Variants in ADK observed in about 807,000 individuals in gnomAD.
ADK encodes the protein N6,N6-dimethyladenosine kinase.
ADK carries 24 observed loss-of-function variants against 44.7 expected under a neutral mutation model. The ratio of observed to expected loss-of-function variants is 0.54; its 90% CI spans 0.39 to 0.76. ADK has a LOEUF of 0.76. ADK is among the 30% of genes least tolerant of loss of function. The probability of loss-of-function intolerance (pLI) is 0.00; values close to 1 mark genes in which losing one functional copy is unlikely to be tolerated. For missense variants in ADK, 321 were observed against 425.1 expected (o/e 0.76, Z 2.15); for synonymous variants, 128 against 142.6 (o/e 0.90, Z 0.73).
At chr10:74,289,742 T>G (rs1487623196) in intron 3 of ADK, among the ~76,000 whole-genome samples, 3 of 152,100 alleles carry the variant, frequency 2.0e-5, no homozygotes, top group African/African-American at 7.2e-5. Flanking sequence ...CTCAGTTTAC[T>G]TTCTTAATCG....
At chr10:74,203,248 C>G (rs1273948938) in intron 2 of ADK, among the ~76,000 whole-genome samples, 1 of 152,210 alleles carries the variant, frequency 6.6e-6, no homozygotes, top group Admixed American at 6.5e-5. Flanking sequence ...TTGACAAAAT[C>G]AGGTGACCAT....
At chr10:74,372,437 T>C in intron 4 of ADK, 1 of 570,078 alleles carries the variant, frequency 1.8e-6, no homozygotes, top group Admixed American at 2.7e-5. Context: ...CACACGCTCT[T>C]AAGCAACATG....
intron 6 of ADK, among the ~76,000 whole-genome samples, chr10:74,477,777 A>G (rs1405880071): frequency 6.6e-6 from 1 of 152,210 alleles, no homozygotes; most frequent in African/African-American, 2.4e-5. Flanking sequence ...GTAACCAAAC[A>G]TATTCTCCTC....
chr10:74,216,917 G>T (rs964549991), intron 2 of ADK, among the ~76,000 whole-genome samples: 8 of 152,146 alleles, frequency 5.3e-5, no homozygotes, highest in African/African-American at 1.9e-4. Context: ...AACAGCTCCG[G>T]TCTACAGCTC....
intron 1 of ADK, among the ~76,000 whole-genome samples, chr10:74,164,909 G>C (rs1810342521): frequency 3.3e-5 from 5 of 152,208 alleles, no homozygotes; most frequent in Admixed American, 3.3e-4. Flanking sequence ...ATCTTTAAGT[G>C]TTTTCTTTGT....
chr10:74,612,743 G>T (rs1462729156), intron 9 of ADK, among the ~76,000 whole-genome samples: 1 of 152,004 alleles, frequency 6.6e-6, no homozygotes, highest in Non-Finnish European at 1.5e-5. Flanking sequence ...TTTTTTCTAG[G>T]ATTTTTATAG....
At chr10:74,363,677 G>A (rs1842412468) in intron 4 of ADK, among the ~76,000 whole-genome samples, 1 of 152,108 alleles carries the variant, frequency 6.6e-6, no homozygotes. Flanking sequence ...GCTGAGACTG[G>A]GCTCCCTCAG....
chr10:74,539,418 T>C (rs1849554811), intron 7 of ADK, among the ~76,000 whole-genome samples: 1 of 152,182 alleles, frequency 6.6e-6, no homozygotes, highest in Admixed American at 6.5e-5. Context: ...AGAGATGATC[T>C]TTTCTTTCTT....
At chr10:74,333,705 T>C (rs541455445) in intron 4 of ADK, among the ~76,000 whole-genome samples, 1 of 152,304 alleles carries the variant, frequency 6.6e-6, no homozygotes, top group South Asian at 2.1e-4. Flanking sequence ...TATTTTTTTC[T>C]CAAAAACTGT....
intron 6 of ADK, among the ~76,000 whole-genome samples, chr10:74,514,313 G>A (rs1296281602): frequency 1.3e-5 from 2 of 152,086 alleles, no homozygotes; most frequent in Admixed American, 6.5e-5. Flanking sequence ...ATATATTTGA[G>A]CTTTCTCGAC....
At chr10:74,702,690 C>T (rs1002042264) in intron 10 of ADK, among the ~76,000 whole-genome samples, 4 of 151,712 alleles carry the variant, frequency 2.6e-5, no homozygotes, top group Admixed American at 6.6e-5. Context: ...CCTCTGCCTC[C>T]TGAGTTCAAG....
At chr10:74,649,993 G>A (rs1165521007) in intron 9 of ADK, among the ~76,000 whole-genome samples, 3 of 152,124 alleles carry the variant, frequency 2.0e-5, no homozygotes, top group Admixed American at 2.0e-4. Flanking sequence ...ATCTCAAAGC[G>A]TGTTTAGAGT....
intron 3 of ADK, among the ~76,000 whole-genome samples, chr10:74,243,262 C>A (rs973176219): frequency 1.3e-5 from 2 of 152,166 alleles, no homozygotes; most frequent in Admixed American, 6.5e-5. Flanking sequence ...CTGGAGCAGC[C>A]GGCCAGGTCC....
At chr10:74,660,088 T>C (rs990482795) in intron 9 of ADK, among the ~76,000 whole-genome samples, 1 of 152,226 alleles carries the variant, frequency 6.6e-6, no homozygotes, top group Non-Finnish European at 1.5e-5. Flanking sequence ...AATTTACTCC[T>C]CAGAAAAATC....
chr10:74,507,738 A>G (rs943873274), intron 6 of ADK, among the ~76,000 whole-genome samples: 2 of 152,250 alleles, frequency 1.3e-5, no homozygotes, highest in East Asian at 1.9e-4. Context: ...AAACAAAAAA[A>G]GTAAGAAGTG....
intron 9 of ADK, among the ~76,000 whole-genome samples, chr10:74,605,435 T>A (rs1341000950): frequency 1.3e-5 from 2 of 152,194 alleles, no homozygotes; most frequent in Non-Finnish European, 2.9e-5. Context: ...CCTAGTTTTT[T>A]GAGAGTTTTT....
chr10:74,246,587 T>A (rs1377061071), intron 3 of ADK, among the ~76,000 whole-genome samples: 1 of 152,174 alleles, frequency 6.6e-6, no homozygotes, highest in Non-Finnish European at 1.5e-5. Context: ...AACTTCATTA[T>A]CATGCCCATT....
chr10:74,213,601 G>A (rs1843907949), intron 2 of ADK, among the ~76,000 whole-genome samples: 1 of 152,194 alleles, frequency 6.6e-6, no homozygotes, highest in Admixed American at 6.5e-5. Flanking sequence ...GATAAAGAAT[G>A]AGTATAGAAT....
At chr10:74,362,208 C>G (rs1424559978) in intron 4 of ADK, among the ~76,000 whole-genome samples, 4 of 152,136 alleles carry the variant, frequency 2.6e-5, no homozygotes, top group African/African-American at 9.6e-5. Flanking sequence ...TGAATATTTG[C>G]CCTTTTGATG....
Sources: allele counts gnomAD v4.1 joint callset (sites outside exome capture counted in the v4.1 genomes callset), GRCh38; gene constraint gnomAD v4.1.1; transcripts MANE v1.5; gene names NCBI Gene and HGNC (gene_info 2026-07-23, HGNC 2026-07-21).